The following LRRIQ1 variants were observed in gnomAD, a reference collection of about 807,000 sequenced individuals.
LRRIQ1 encodes the protein leucine rich repeats and IQ motif containing 1.
Under a neutral mutation model 211.9 loss-of-function variants are expected in LRRIQ1, and 210 were observed. The observed-to-expected ratio is 0.99, with a 90% CI of 0.89 to 1.11. The LOEUF is 1.11. Ranked by LOEUF, LRRIQ1 falls within the 50% of genes most tolerant of loss-of-function variation. The probability of loss-of-function intolerance (pLI) is 0.00; values close to 1 mark genes in which losing one functional copy is unlikely to be tolerated. For missense variants in LRRIQ1, 2,136 were observed against 1,939.5 expected (o/e 1.10, Z -1.90); for synonymous variants, 699 against 650.1 (o/e 1.08, Z -1.14).
At chr12:85,085,109 C>G (rs182361095) in intron 11 of LRRIQ1, among the ~76,000 whole-genome samples, 1 of 151,776 alleles carries the variant, frequency 6.6e-6, no homozygotes, top group Admixed American at 6.6e-5. Flanking sequence ...TGTTTTTTTG[C>G]GTGTTTCCCC....
intron 24 of LRRIQ1, among the ~76,000 whole-genome samples, chr12:85,183,764 A>G (rs985551010): frequency 3.3e-5 from 5 of 152,118 alleles, no homozygotes; most frequent in African/African-American, 4.8e-5. Context: ...CCCAACTGCC[A>G]AGGGAATTAA....
chr12:85,063,795 T>A (rs1882123679), intron 8 of LRRIQ1, among the ~76,000 whole-genome samples: 1 of 151,772 alleles, frequency 6.6e-6, no homozygotes, highest in African/African-American at 2.4e-5. Flanking sequence ...TATGCAAAGT[T>A]TGTCTATCTG....
At chr12:85,254,670 T>C (rs1896038791) in intron 1 of LRRIQ1, among the ~76,000 whole-genome samples, 1 of 152,108 alleles carries the variant, frequency 6.6e-6, no homozygotes, top group African/African-American at 2.4e-5. Flanking sequence ...CAAATAGTTA[T>C]ATATTTCTGA....
intron 14 of LRRIQ1, among the ~76,000 whole-genome samples, chr12:85,104,857 G>C (rs1306198923): frequency 1.3e-5 from 2 of 151,944 alleles, no homozygotes; most frequent in East Asian, 3.9e-4. Flanking sequence ...AAAAGAAACT[G>C]ACATACTATT....
At chr12:85,178,921 A>C (rs1891848441) in intron 24 of LRRIQ1, among the ~76,000 whole-genome samples, 1 of 151,576 alleles carries the variant, frequency 6.6e-6, no homozygotes, top group Non-Finnish European at 1.5e-5. Flanking sequence ...TTAAAAAAAA[A>C]AAAACAGCCT....
At chr12:85,121,943 A>G in intron 16 of LRRIQ1, 67 bp downstream of exon 16, 1 of 1,306,474 alleles carries the variant, frequency 7.7e-7, no homozygotes, top group Non-Finnish European at 1.0e-6. Context: ...GTGATTTTAA[A>G]GTATTCTGAT....
At chr12:85,071,256 G>A (rs754865643) in intron 10 of LRRIQ1, among the ~76,000 whole-genome samples, 6 of 151,810 alleles carry the variant, frequency 4.0e-5, no homozygotes, top group Admixed American at 2.0e-4. Context: ...ATATATGCAC[G>A]TATCTAAGGA....
intron 1 of LRRIQ1, among the ~76,000 whole-genome samples, chr12:85,258,983 TA>T (rs1263069631): frequency 6.6e-6 from 1 of 151,946 alleles, no homozygotes; most frequent in Non-Finnish European, 1.5e-5. Flanking sequence ...TGACATTTTT[TA>T]AAGAACCAAG....
the LRRIQ1 span, among the ~76,000 whole-genome samples, chr12:85,271,454 C>A: frequency 6.6e-6 from 1 of 152,134 alleles, no homozygotes; most frequent in Non-Finnish European, 1.5e-5. Context: ...CTAAGTCTTT[C>A]TTACAACCAT....
chr12:85,133,618 G>A (rs1489499133), intron 18 of LRRIQ1, among the ~76,000 whole-genome samples: 1 of 152,116 alleles, frequency 6.6e-6, no homozygotes, highest in African/African-American at 2.4e-5. Context: ...GGGGGTAGAC[G>A]GAGTGGATAT....
At chr12:85,249,491 C>T (rs930800174), downstream of LRRIQ1, among the ~76,000 whole-genome samples, 1 of 151,720 alleles carries the variant, frequency 6.6e-6, no homozygotes, top group African/African-American at 2.4e-5. Flanking sequence ...CAAGAACTAT[C>T]ATTGCATGTA....
chr12:85,113,789 T>G (rs1887356167), intron 15 of LRRIQ1, among the ~76,000 whole-genome samples: 8 of 152,162 alleles, frequency 5.3e-5, no homozygotes, highest in Admixed American at 1.3e-4. Context: ...GCTGTAGTAT[T>G]TATCACATTC....
intron 26 of LRRIQ1, among the ~76,000 whole-genome samples, chr12:85,239,878 TGGGACACAAGAATCCC>T (rs1186176250): frequency 1.3e-5 from 2 of 152,064 alleles, no homozygotes; most frequent in Non-Finnish European, 2.9e-5. Context: ...CTCAGGAGGC[TGGGACACAAGAATCCC>T]TTGAACCGGG....
At chr12:85,053,149 A>T (rs1355618129) in intron 7 of LRRIQ1, among the ~76,000 whole-genome samples, 2 of 152,118 alleles carry the variant, frequency 1.3e-5, no homozygotes. Flanking sequence ...AGAGAAGAAA[A>T]AAAATTGCAA....
At chr12:85,160,437 G>A (rs78213537) in intron 23 of LRRIQ1, among the ~76,000 whole-genome samples, 176 bp from the exon 24 acceptor site, 3,112 of 151,888 alleles carry the variant, frequency 0.02, 139 homozygotes, top group East Asian at 0.2. Flanking sequence ...CCAATAATAC[G>A]TACATGGTTG....
intron 10 of LRRIQ1, among the ~76,000 whole-genome samples, chr12:85,067,987 A>G (rs994397953): frequency 6.6e-6 from 1 of 151,886 alleles, no homozygotes; most frequent in African/African-American, 2.4e-5. Flanking sequence ...GACTCAGGTT[A>G]CTTCTGCATT....
chr12:85,250,103 T>C (rs1895859993), downstream of LRRIQ1, among the ~76,000 whole-genome samples: 1 of 151,820 alleles, frequency 6.6e-6, no homozygotes, highest in Admixed American at 6.6e-5. Context: ...TTATATGTAT[T>C]GGAGGAATTG....
chr12:85,107,925 C>G (rs1338592117), intron 15 of LRRIQ1, among the ~76,000 whole-genome samples: 1 of 151,996 alleles, frequency 6.6e-6, no homozygotes, highest in Non-Finnish European at 1.5e-5. Flanking sequence ...CTCATGCTTT[C>G]TGGAACCTTC....
At chr12:85,217,430 A>G (rs893674081) in intron 24 of LRRIQ1, among the ~76,000 whole-genome samples, 4 of 139,120 alleles carry the variant, frequency 2.9e-5, no homozygotes, top group Admixed American at 2.2e-4. Flanking sequence ...ATTTTTATCA[A>G]TGAGTGAAAA....
Sources: allele counts gnomAD v4.1 joint callset (sites outside exome capture counted in the v4.1 genomes callset), GRCh38; gene constraint gnomAD v4.1.1; transcripts MANE v1.5; gene names NCBI Gene and HGNC (gene_info 2026-07-23, HGNC 2026-07-21).